Variants in RAMP1 observed in about 807,000 individuals in gnomAD.
RAMP1 encodes receptor activity modifying protein 1, also known as receptor activity-modifying protein 1.
A neutral mutation model predicts 8.2 loss-of-function variants in RAMP1; 7 were observed. That is an observed-to-expected ratio of 0.85 (90% CI 0.49 to 1.60). RAMP1 has a LOEUF of 1.60. RAMP1 is among the 40% of genes most tolerant of loss of function. The probability of loss-of-function intolerance (pLI) is 0.00; values close to 1 mark genes in which losing one functional copy is unlikely to be tolerated. For synonymous variants in RAMP1, 92 were observed against 84.7 expected (o/e 1.09, Z -0.47); for missense variants, 192 against 202.4 (o/e 0.95, Z 0.31).
At chr2:237,906,235 G>A (rs1177321701) in intron 2 of RAMP1, among the ~76,000 whole-genome samples, 1 of 152,066 alleles carries the variant, frequency 6.6e-6, no homozygotes, top group Non-Finnish European at 1.5e-5. Flanking sequence ...TTGTTCACCT[G>A]GAGAGACCAC....
At chr2:237,903,138 C>T (rs2062621704) in intron 2 of RAMP1, among the ~76,000 whole-genome samples, 1 of 152,104 alleles carries the variant, frequency 6.6e-6, no homozygotes, top group Non-Finnish European at 1.5e-5. Context: ...GGATCACAGG[C>T]ATGAGAGCTG....
At chr2:237,861,657 G>T (rs1044771398) in intron 1 of RAMP1, among the ~76,000 whole-genome samples, 3 of 152,066 alleles carry the variant, frequency 2.0e-5, no homozygotes, top group Non-Finnish European at 4.4e-5. Context: ...AGACCAGCCT[G>T]GCCAACATGG....
At chr2:237,879,851 G>T (rs1399994845) in intron 2 of RAMP1, among the ~76,000 whole-genome samples, 1 of 151,042 alleles carries the variant, frequency 6.6e-6, no homozygotes, top group Non-Finnish European at 1.5e-5. Context: ...TTAGCCGGGC[G>T]TGGTAGCACA....
At chr2:237,887,545 C>T (rs557118046) in intron 2 of RAMP1, among the ~76,000 whole-genome samples, 23 of 152,362 alleles carry the variant, frequency 1.5e-4, no homozygotes, top group African/African-American at 5.1e-4. Flanking sequence ...ACCCTCACTG[C>T]CCAGGCAGTG....
intron 2 of RAMP1, among the ~76,000 whole-genome samples, chr2:237,911,083 TACACATAGTCACACACAGTC>T (rs1224669054): frequency 6.6e-6 from 1 of 150,520 alleles, no homozygotes; most frequent in African/African-American, 2.4e-5. Flanking sequence ...GAATAACAGT[TACACATAGTCACACACAGTC>T]ACACACAAAG....
In RAMP1 at chr2:237,911,594, T is replaced by C; in HGVS notation, c.258T>C (p.Asn86=). ...MAEKLGCFWP[N]AEVDRFFLAV... is the part of the protein sequence containing the mutation. The stretch of plus-strand genomic sequence containing the variant: ...AGAAGCTGGGCTGCTTCTGGCCCAA[T>C]GCAGAGGTGGACAGGTTCTTCCTGG... The change falls in exon 3 of 3, where the codon AAT becomes AAC. Residue 86 remains asparagine (N), a synonymous_variant. Transcript: ENST00000254661. 6.2e-7 allele frequency: 1 copy of C among 1,614,152 alleles called. No individual in the cohort carries two copies. The highest frequency in any genetic ancestry group is 1.7e-5 in the Admixed American group (1 of 60,034).
intron 2 of RAMP1, among the ~76,000 whole-genome samples, chr2:237,899,603 T>C (rs889247404): frequency 4.6e-5 from 7 of 152,208 alleles, no homozygotes; most frequent in African/African-American, 1.7e-4. Context: ...TGTGGCTAGA[T>C]GAAGTTTGTT....
At chr2:237,874,397 T>A (rs558898200) in intron 1 of RAMP1, among the ~76,000 whole-genome samples, 1 of 152,338 alleles carries the variant, frequency 6.6e-6, no homozygotes, top group African/African-American at 2.4e-5. Context: ...GGGGACTGGC[T>A]CTGCAGGGCG....
intron 2 of RAMP1, among the ~76,000 whole-genome samples, chr2:237,888,860 C>T (rs976394891): frequency 6.6e-6 from 1 of 152,188 alleles, no homozygotes; most frequent in African/African-American, 2.4e-5. Flanking sequence ...CAACCCCTGC[C>T]TCCCGGGTTC....
intron 2 of RAMP1, among the ~76,000 whole-genome samples, chr2:237,908,386 C>A (rs2062673853): frequency 8.1e-6 from 1 of 123,618 alleles, no homozygotes; most frequent in African/African-American, 2.8e-5. Context: ...ACTGTCCTGT[C>A]CCTTCCCCAG....
At chr2:237,861,565 C>T (rs934224523) in intron 1 of RAMP1, among the ~76,000 whole-genome samples, 4 of 152,056 alleles carry the variant, frequency 2.6e-5, no homozygotes, top group Non-Finnish European at 4.4e-5. Flanking sequence ...TCTCATAATC[C>T]GGCCAGGCAT....
At chr2:237,908,406 A>C (rs2062674004) in intron 2 of RAMP1, among the ~76,000 whole-genome samples, 1 of 60,636 alleles carries the variant, frequency 1.6e-5, no homozygotes, top group African/African-American at 4.4e-5. Context: ...GTGAGAAGAG[A>C]CCTCTGGTGG....
chr2:237,865,632 T>C lies in RAMP1; in HGVS notation c.52+5905T>C, dbSNP rs2062179813. 6.6e-6 allele frequency among the ~76,000 whole-genome samples: 1 copy of C among 151,664 alleles called. No homozygotes were observed. The highest frequency in any genetic ancestry group is 2.4e-5 in the African/African-American group (1 of 41,232). Reference sequence around the variant, plus strand: ...AGGGGTGATGGTACGTAGACAGGAGTCTATGCAAATCAAGGGTTCAGAAAG... The same window carrying C: ...AGGGGTGATGGTACGTAGACAGGAGCCTATGCAAATCAAGGGTTCAGAAAG... On this transcript the variant is annotated intron_variant, in intron 1 of 2. Transcript: ENST00000254661. The surrounding 1 kb of genome is among the most constrained non-coding windows in gnomAD (Gnocchi z 4.2).
At chr2:237,909,885 G>A (rs553490392) in intron 2 of RAMP1, among the ~76,000 whole-genome samples, 39 of 152,198 alleles carry the variant, frequency 2.6e-4, no homozygotes, top group South Asian at 1.2e-3. Flanking sequence ...GAGCTCACCC[G>A]CTGTGGCTTC....
chr2:237,876,558 C>T (rs1360570521), intron 1 of RAMP1, among the ~76,000 whole-genome samples: 3 of 152,154 alleles, frequency 2.0e-5, no homozygotes, highest in African/African-American at 7.2e-5. Flanking sequence ...CCCCAGCTGC[C>T]CTACGAGGTG....
chr2:237,888,297 C>T (rs2062455835), intron 2 of RAMP1, among the ~76,000 whole-genome samples: 1 of 152,128 alleles, frequency 6.6e-6, no homozygotes, highest in African/African-American at 2.4e-5. Context: ...TCAGGTGATC[C>T]ACCTCCGCCT....
Position 237,911,556 on chromosome 2 carries a change from T to C in RAMP1, c.220T>C (p.Trp74Arg), listed in dbSNP as rs1437910817. The stretch of plus-strand genomic sequence containing the variant: ...CTACAGGGAGCTGGCCGACTGCACC[T>C]GGCACATGGCGGAGAAGCTGGGCTG... ...RSYRELADCTWHMAEKLGCFW... is the reference protein window; with the variant it reads ...RSYRELADCTRHMAEKLGCFW... Residue 74 changes from tryptophan (W) to arginine (R), a missense_variant, in exon 3 of 3, where the codon TGG becomes CGG. Physicochemically the swap from Trp to Arg is moderately radical, Grantham distance 101 (BLOSUM62 -3). Transcript: ENST00000254661. 2.5e-6 allele frequency: 4 copies of C among 1,614,018 alleles called. No homozygotes were observed. The highest frequency in any genetic ancestry group is 3.4e-6 in the Non-Finnish European group (4 of 1,180,004).
At chr2:237,886,275 G>A (rs1257588151) in intron 2 of RAMP1, among the ~76,000 whole-genome samples, 1 of 152,216 alleles carries the variant, frequency 6.6e-6, no homozygotes, top group Non-Finnish European at 1.5e-5. Context: ...TGGTTGTGCA[G>A]GGAGCGCCTT....
At chr2:237,897,700 G>A (rs750788044) in intron 2 of RAMP1, among the ~76,000 whole-genome samples, 8 of 151,472 alleles carry the variant, frequency 5.3e-5, no homozygotes, top group East Asian at 1.9e-4. Context: ...ACAGATCCAC[G>A]TGTCTTAGTG....
Sources: allele counts gnomAD v4.1 joint callset (sites outside exome capture counted in the v4.1 genomes callset), GRCh38; gene constraint gnomAD v4.1.1; non-coding constraint Gnocchi (gnomAD v3.1); transcripts MANE v1.5; gene names NCBI Gene and HGNC (gene_info 2026-07-23, HGNC 2026-07-21).